NFAT5: variants seen among roughly 807,000 people sequenced by gnomAD.
NFAT5 encodes the protein nuclear factor of activated T cells 5, also known as nuclear factor of activated T-cells 5.
NFAT5 carries 31 observed loss-of-function variants against 166.5 expected under a neutral mutation model. The observed-to-expected ratio is 0.19, with a 90% CI of 0.14 to 0.25. NFAT5 has a LOEUF of 0.25. NFAT5 is among the 10% of genes least tolerant of loss of function. The pLI is 1.00. For missense variants in NFAT5, 1,449 were observed against 1,821.8 expected (o/e 0.80, Z 3.72); for synonymous variants, 612 against 639.7 (o/e 0.96, Z 0.65).
intron 4 of NFAT5, chr16:69,648,418 T>G (rs987467775): frequency 1.0e-6 from 1 of 983,094 alleles, no homozygotes; most frequent in African/African-American, 1.7e-5. Flanking sequence ...TTTTTTCCTT[T>G]GATACTAATA....
At chr16:69,607,908 C>T (rs1241567170) in intron 2 of NFAT5, among the ~76,000 whole-genome samples, 1 of 152,048 alleles carries the variant, frequency 6.6e-6, no homozygotes, top group Non-Finnish European at 1.5e-5. Flanking sequence ...TGTTTGTTTT[C>T]CTCACACCAG....
Position 69,695,360 on chromosome 16 carries a change from G to A in NFAT5, c.4639G>A (p.Gly1547Ser). 2 of 1,613,338 alleles carry A rather than the reference G, an allele frequency of 1.2e-6. No individual in the cohort carries two copies. Among genetic ancestry groups the A allele is most frequent in the Non-Finnish European group, 1.7e-6 (2 of 1,179,342 alleles). Residue 1547 changes from glycine to serine, a missense_variant, in exon 14 of 15, where the codon GGC becomes AGC. By Grantham distance (56) the Gly-to-Ser change is moderately conservative. Transcript: ENST00000349945. ...SLQNQGNNLT[G>S]SF ...GCAAAACCAAGGGAACAACTTGACT[G>A]GCTCCTTTTAACTGGATATGTAAGT...
intron 10 of NFAT5, among the ~76,000 whole-genome samples, chr16:69,680,193 T>A (rs2037000151): frequency 1.3e-5 from 2 of 152,206 alleles, no homozygotes; most frequent in African/African-American, 4.8e-5. Context: ...TGACATTTAA[T>A]GTTTGGCAGG....
intron 2 of NFAT5, among the ~76,000 whole-genome samples, chr16:69,606,919 G>T (rs1330830023): frequency 6.6e-6 from 1 of 152,176 alleles, no homozygotes; most frequent in Non-Finnish European, 1.5e-5. Context: ...CTTGAAATGG[G>T]CATGAGGTAT....
At chr16:69,666,422 C>T (rs1435774416) in intron 7 of NFAT5, among the ~76,000 whole-genome samples, 1 of 151,116 alleles carries the variant, frequency 6.6e-6, no homozygotes, top group East Asian at 1.9e-4. Flanking sequence ...ACCTACTCAT[C>T]TGACAAAGGG....
At chr16:69,656,987 T>G (rs2035907787) in intron 6 of NFAT5, among the ~76,000 whole-genome samples, 2 of 152,300 alleles carry the variant, frequency 1.3e-5, no homozygotes, top group South Asian at 4.1e-4. Flanking sequence ...AGGAAATATA[T>G]TGGTATGGGG....
intron 2 of NFAT5, among the ~76,000 whole-genome samples, chr16:69,583,566 T>C (rs2031840022): frequency 6.6e-6 from 1 of 152,148 alleles, no homozygotes; most frequent in Admixed American, 6.6e-5. Context: ...GAAAGAAACC[T>C]AGCATATGAT....
chr16:69,573,790 G>A (rs2016576802), intron 2 of NFAT5, among the ~76,000 whole-genome samples: 1 of 151,614 alleles, frequency 6.6e-6, no homozygotes, highest in South Asian at 2.1e-4. Flanking sequence ...GATTATTCCA[G>A]GAGTCCCCTA....
Position 69,691,036 on chromosome 16 carries a change from A to G in NFAT5, c.1871A>G (p.Asp624Gly). ...CCAAGCAGTATGATTAAGAGTGAAG[A>G]TGTTACTCCAATGGAAGTAACAGCA... ...LIPSSMIKSE[D>G]VTPMEVTAEK... The change falls in exon 12 of 15, where the codon GAT (aspartate) becomes GGT (glycine). Residue 624 changes from aspartate (D) to glycine (G), a missense_variant. Asp to Gly is a moderately conservative substitution (Grantham distance 94). Around this residue, in one of 7 missense-constraint regions of NFAT5, gnomAD observed 245 missense variants for 366.6 expected, o/e 0.67. Transcript: ENST00000349945. 6.2e-7 allele frequency: 1 copy of G among 1,608,026 alleles called. No individual in the cohort carries two copies. The highest frequency in any genetic ancestry group is 1.3e-5 in the African/African-American group (1 of 74,914).
At chr16:69,615,461 T>C (rs2033900025) in intron 2 of NFAT5, among the ~76,000 whole-genome samples, 1 of 152,198 alleles carries the variant, frequency 6.6e-6, no homozygotes, top group Non-Finnish European at 1.5e-5. Flanking sequence ...CCTGATACTA[T>C]TTCTCTGAAA....
At position 69,659,949 on chromosome 16, in the gene NFAT5, T is replaced by G. The variant is rs2036051963; in HGVS notation, c.1369+50T>G. 4 of 1,430,108 alleles carry G rather than the reference T, an allele frequency of 2.8e-6. No individual in the cohort carries two copies. In the African/African-American group the frequency reaches 4.3e-5, roughly 15 times the overall value. 88.6% of individuals were successfully genotyped at this position (1,430,108 alleles called of 1,614,324 possible). ...TAAACATATGGAGTTTCTTTCATTT[T>G]CTGTTAATCTTTTAGACATCTCTAA... is the stretch of plus-strand genomic sequence containing the variant. On this transcript the variant is annotated intron_variant, in intron 7 of 14. Coordinates refer to ENST00000349945, the MANE Select transcript of NFAT5 (RefSeq NM_138713.4).
intron 2 of NFAT5, among the ~76,000 whole-genome samples, chr16:69,605,875 G>C (rs1471801309): frequency 6.6e-6 from 1 of 151,988 alleles, no homozygotes; most frequent in Admixed American, 6.6e-5. Flanking sequence ...CACTGCACCT[G>C]GCTAATTTTT....
Position 69,672,318 on chromosome 16 carries a change from T to C in NFAT5, c.1557+2030T>C, listed in dbSNP as rs373996637. 2.6e-5 allele frequency among the ~76,000 whole-genome samples: 4 copies of C among 152,366 alleles called. No homozygotes were observed. In the South Asian group the frequency reaches 8.3e-4, roughly 32 times the overall value. On this transcript the variant is annotated intron_variant, in intron 9 of 14. Transcript: ENST00000349945. ...TAGTCTTAATTGAAGTTTTAATACC[T>C]GCTTTGTCATTAGCAATCTGTGTTA...
chr16:69,575,199 T>C (rs187920164), intron 2 of NFAT5, among the ~76,000 whole-genome samples: 31 of 152,150 alleles, frequency 2.0e-4, no homozygotes, highest in Non-Finnish European at 3.4e-4. Flanking sequence ...AGACGGAGTC[T>C]CTCTGTTGCT....
chr16:69,658,638 G>C (rs1215663442), intron 6 of NFAT5, among the ~76,000 whole-genome samples: 1 of 151,886 alleles, frequency 6.6e-6, no homozygotes, highest in Non-Finnish European at 1.5e-5. Context: ...GACCAACCTA[G>C]GCAACATAGT....
intron 2 of NFAT5, among the ~76,000 whole-genome samples, chr16:69,580,935 G>A (rs772252320): frequency 2.6e-4 from 39 of 152,166 alleles, no homozygotes; most frequent in Non-Finnish European, 4.7e-4. Flanking sequence ...GATTACAGGC[G>A]TGAGCTGCCG....
At position 69,670,022 on chromosome 16, in the gene NFAT5, G is replaced by T. The variant is rs1265592846; in HGVS notation, c.1415G>T (p.Ser472Ile). ...VPEILKKSLHSCSVKGEEEVF... is the reference protein window; with the variant it reads ...VPEILKKSLHICSVKGEEEVF... ...GAAATCTTAAAGAAAAGCTTGCATA[G>T]CTGTTCAGTGAAAGGAGAAGAAGAA... Residue 472 changes from serine (S) to isoleucine (I), a missense_variant, in exon 8 of 15, where the codon AGC becomes ATC. Ser to Ile is a moderately radical substitution (Grantham distance 142). Coordinates refer to ENST00000349945, the MANE Select transcript of NFAT5 (RefSeq NM_138713.4). The T allele has an allele frequency of 1.9e-6, 3 of 1,612,572 alleles. No individual in the cohort carries two copies. In the Admixed American group the frequency reaches 5.0e-5, roughly 27 times the overall value.
At chr16:69,674,531 T>C (rs913249565) in intron 9 of NFAT5, among the ~76,000 whole-genome samples, 9 of 152,026 alleles carry the variant, frequency 5.9e-5, no homozygotes, top group Admixed American at 1.3e-4. Context: ...GAAGATGGTA[T>C]AAATGTGGAA....
intron 2 of NFAT5, among the ~76,000 whole-genome samples, chr16:69,616,891 C>G (rs1257099868): frequency 6.6e-6 from 1 of 151,776 alleles, no homozygotes; most frequent in Non-Finnish European, 1.5e-5. Context: ...TTCTGATACC[C>G]TCCTTTGAGC....
Sources: gnomAD v4.1 joint callset for allele counts (sites outside exome capture counted in the v4.1 genomes callset) on GRCh38, gnomAD v4.1.1 for gene constraint, gnomAD v4.1.1 regional missense constraint, MANE v1.5 for transcripts, NCBI Gene and HGNC (gene_info 2026-07-23, HGNC 2026-07-21) for gene names.